The following TFDP2 variants were observed in gnomAD, a reference collection of about 807,000 sequenced individuals.
TFDP2 encodes the protein transcription factor Dp-2.
TFDP2 carries 17 observed loss-of-function variants against 59.3 expected under a neutral mutation model. The observed-to-expected ratio is 0.29, with a 90% CI of 0.20 to 0.43. The LOEUF is 0.43. Among genes scored for constraint, TFDP2 ranks in the 20% least tolerant of loss-of-function variants. The pLI, the probability that TFDP2 is intolerant of heterozygous loss-of-function variation, is 1.00. For synonymous variants in TFDP2, 180 were observed against 194.7 expected, an observed-to-expected ratio of 0.92 and a Z score of 0.63; for missense variants, 391 against 528.8, an observed-to-expected ratio of 0.74 and a Z score of 2.56.
At chr3:142,004,650 G>T (rs1425504459) in intron 4 of TFDP2, among the ~76,000 whole-genome samples, 9 of 152,162 alleles carry the variant, frequency 5.9e-5, no homozygotes, top group Admixed American at 5.9e-4. Flanking sequence ...TACTGCTACA[G>T]ATTAAAATAA....
chr3:142,030,069 A>G (rs1015066721), intron 3 of TFDP2, among the ~76,000 whole-genome samples: 4 of 152,246 alleles, frequency 2.6e-5, no homozygotes, highest in African/African-American at 7.2e-5. Flanking sequence ...CCAGTGTCTA[A>G]AACAGTGTCT....
chr3:141,964,740 A>AGG (rs2107916339), intron 9 of TFDP2, among the ~76,000 whole-genome samples: 1 of 152,268 alleles, frequency 6.6e-6, no homozygotes, highest in East Asian at 1.9e-4. Flanking sequence ...AAGCTCTGCC[A>AGG]TCTCTGCCCT....
intron 3 of TFDP2, among the ~76,000 whole-genome samples, chr3:142,024,856 C>T (rs1160931960): frequency 6.6e-6 from 1 of 151,960 alleles, no homozygotes; most frequent in African/African-American, 2.4e-5. Context: ...CCCGTTTCTA[C>T]TAAAAATACA....
chr3:142,025,332 T>A (rs563861027), intron 3 of TFDP2, among the ~76,000 whole-genome samples: 56 of 152,368 alleles, frequency 3.7e-4, no homozygotes, highest in African/African-American at 1.3e-3. Flanking sequence ...AATTCCAAGA[T>A]AATTTACACA....
intron 3 of TFDP2, among the ~76,000 whole-genome samples, chr3:142,036,406 A>G (rs1414800183): frequency 2.0e-5 from 3 of 152,220 alleles, no homozygotes; most frequent in Non-Finnish European, 4.4e-5. Context: ...ATCTGAATAA[A>G]CCTGGTCCTA....
At chr3:142,032,638 G>T (rs1029927295) in intron 3 of TFDP2, among the ~76,000 whole-genome samples, 2 of 152,036 alleles carry the variant, frequency 1.3e-5, no homozygotes, top group Admixed American at 1.3e-4. Flanking sequence ...TGAACTTCCT[G>T]TCTACCTTCC....
intron 4 of TFDP2, among the ~76,000 whole-genome samples, chr3:142,003,633 A>G (rs1192879818): frequency 1.3e-5 from 2 of 152,224 alleles, no homozygotes; most frequent in Non-Finnish European, 2.9e-5. Context: ...TTCCTGCCCA[A>G]GAACTCAGAA....
intron 1 of TFDP2, among the ~76,000 whole-genome samples, chr3:142,133,870 G>A (rs1288945053): frequency 6.6e-6 from 1 of 151,800 alleles, no homozygotes; most frequent in Non-Finnish European, 1.5e-5. Context: ...CTAAAAATAG[G>A]AGGAAGATTT....
intron 3 of TFDP2, among the ~76,000 whole-genome samples, chr3:142,076,184 C>A (rs181890358): frequency 1.3e-5 from 2 of 149,740 alleles, no homozygotes; most frequent in South Asian, 2.1e-4. Context: ...GCACTCCATC[C>A]TGGGCAACAG....
chr3:141,970,430 G>C (rs11569248), intron 8 of TFDP2, among the ~76,000 whole-genome samples: 11,350 of 152,244 alleles, frequency 0.075, 525 homozygotes, highest in Non-Finnish European at 0.11. Flanking sequence ...CAAAGTAATA[G>C]TACCACTTAG....
intron 1 of TFDP2, among the ~76,000 whole-genome samples, chr3:142,106,076 C>T (rs969275380): frequency 2.0e-5 from 3 of 149,462 alleles, no homozygotes; most frequent in Non-Finnish European, 4.4e-5. Flanking sequence ...ATAACATAAA[C>T]CCAATTTCAA....
chr3:142,113,774 G>A (rs930869608), intron 1 of TFDP2, among the ~76,000 whole-genome samples: 1 of 152,094 alleles, frequency 6.6e-6, no homozygotes, highest in Non-Finnish European at 1.5e-5. Context: ...GAATACGACT[G>A]TACTTATACA....
At chr3:142,093,174 T>C (rs557800623) in intron 2 of TFDP2, 47 bp from the exon 3 acceptor site, 8 of 1,312,620 alleles carry the variant, frequency 6.1e-6, no homozygotes, top group Non-Finnish European at 7.3e-6. Context: ...TTAAGTAGTA[T>C]GTGTTCACTT....
chr3:142,018,233 C>A (rs139865551), intron 3 of TFDP2, among the ~76,000 whole-genome samples: 235 of 152,196 alleles, frequency 1.5e-3, no homozygotes, highest in African/African-American at 5.3e-3. Flanking sequence ...CGTCAGCCAC[C>A]GTACCAGGCC....
intron 6 of TFDP2, among the ~76,000 whole-genome samples, chr3:141,981,137 A>C (rs1180156970): frequency 6.6e-6 from 1 of 152,190 alleles, no homozygotes; most frequent in Non-Finnish European, 1.5e-5. Flanking sequence ...ATCATTAAAA[A>C]AAATCTTTTA....
chr3:142,026,107 C>T (rs1007618350), intron 3 of TFDP2, among the ~76,000 whole-genome samples: 2 of 152,126 alleles, frequency 1.3e-5, no homozygotes, highest in African/African-American at 4.8e-5. Flanking sequence ...GTCGGGAGAT[C>T]GAGACCATCA....
chr3:142,030,680 T>C (rs1946377082), intron 3 of TFDP2, among the ~76,000 whole-genome samples: 1 of 152,016 alleles, frequency 6.6e-6, no homozygotes, highest in Non-Finnish European at 1.5e-5. Flanking sequence ...ACCTACTCTG[T>C]TATAGTCTTA....
chr3:142,034,988 G>A (rs959190414), intron 3 of TFDP2, among the ~76,000 whole-genome samples: 3 of 152,000 alleles, frequency 2.0e-5, no homozygotes, highest in Non-Finnish European at 4.4e-5. Flanking sequence ...TTACAGGTGT[G>A]AGCCACCACA....
At chr3:141,955,788 G>C (rs1235152882) in intron 11 of TFDP2, among the ~76,000 whole-genome samples, 1 of 152,100 alleles carries the variant, frequency 6.6e-6, no homozygotes, top group Non-Finnish European at 1.5e-5. Context: ...AGAAAGCAAA[G>C]GCAAAAACAC....
Sources: gnomAD v4.1 joint callset for allele counts (sites outside exome capture counted in the v4.1 genomes callset) on GRCh38, gnomAD v4.1.1 for gene constraint, MANE v1.5 for transcripts, NCBI Gene and HGNC (gene_info 2026-07-23, HGNC 2026-07-21) for gene names.